DPP6: variants seen among roughly 807,000 people sequenced by gnomAD.
DPP6 encodes dipeptidyl peptidase like 6.
A neutral mutation model predicts 122.6 loss-of-function variants in DPP6; 69 were observed. The observed-to-expected ratio is 0.56, with a 90% CI of 0.46 to 0.69. The LOEUF is 0.69. DPP6 is among the 30% of genes least tolerant of loss of function. DPP6 has a pLI of 0.00. For missense variants in DPP6, 928 were observed against 1,116.9 expected (o/e 0.83, Z 2.41); for synonymous variants, 418 against 433.1 (o/e 0.97, Z 0.43).
At chr7:154,867,969 G>T in intron 17 of DPP6, 26 bp from the exon 18 acceptor site, 1 of 1,568,388 alleles carries the variant, frequency 6.4e-7, no homozygotes. Context: ...CTGCATCTCA[G>T]TGTGTCCCTG....
chr7:154,555,568 T>G (rs528394180), intron 4 of DPP6, among the ~76,000 whole-genome samples: 44 of 152,080 alleles, frequency 2.9e-4, no homozygotes, highest in Non-Finnish European at 6.2e-4. Flanking sequence ...TATACATATG[T>G]AACAAACCTG....
the DPP6 span, among the ~76,000 whole-genome samples, chr7:153,829,083 G>T: frequency 6.6e-6 from 1 of 152,200 alleles, no homozygotes; most frequent in Admixed American, 6.5e-5. Context: ...CACAAAGGCA[G>T]GCCCAGGAGC....
chr7:154,766,642 G>C (rs924266241), intron 8 of DPP6, among the ~76,000 whole-genome samples: 4 of 152,164 alleles, frequency 2.6e-5, no homozygotes, highest in Non-Finnish European at 4.4e-5. Flanking sequence ...TGATGGTTTT[G>C]TTCTACCTCC....
intron 21 of DPP6, among the ~76,000 whole-genome samples, chr7:154,883,200 CACAT>C (rs1474470607): frequency 6.7e-6 from 1 of 149,940 alleles, no homozygotes; most frequent in Non-Finnish European, 1.5e-5. Flanking sequence ...TACACGCTCA[CACAT>C]ACACACACAT....
intron 7 of DPP6, among the ~76,000 whole-genome samples, chr7:154,715,048 T>TG (rs1366384937): frequency 2.1e-5 from 2 of 95,904 alleles, no homozygotes; most frequent in Non-Finnish European, 4.3e-5. Context: ...TTTTATTTTA[T>TG]TTTATCTTAT....
At chr7:154,555,470 G>A (rs145292196) in intron 4 of DPP6, among the ~76,000 whole-genome samples, 2,554 of 152,028 alleles carry the variant, frequency 0.017, 65 homozygotes, top group African/African-American at 0.056. Context: ...CTGTTGTGGG[G>A]TGGGGGAAGG....
At chr7:154,680,911 CT>C (rs1428271143) in intron 7 of DPP6, among the ~76,000 whole-genome samples, 2 of 152,102 alleles carry the variant, frequency 1.3e-5, no homozygotes, top group East Asian at 3.9e-4. Context: ...GAGATATTTT[CT>C]GGGACTCACT....
chr7:154,053,403 G>T (rs1281917402), intron 1 of DPP6, among the ~76,000 whole-genome samples: 4 of 152,054 alleles, frequency 2.6e-5, no homozygotes, highest in Non-Finnish European at 5.9e-5. Context: ...CCTAAGGAGA[G>T]AATTCGATCG....
intron 1 of DPP6, among the ~76,000 whole-genome samples, chr7:154,329,035 T>C (rs1808689863): frequency 6.6e-6 from 1 of 152,228 alleles, no homozygotes; most frequent in South Asian, 2.1e-4. Flanking sequence ...ATTTTTTTAT[T>C]CCTGGAACAA....
upstream of DPP6, among the ~76,000 whole-genome samples, chr7:154,048,895 A>G (rs1800151430): frequency 7.5e-6 from 1 of 134,052 alleles, no homozygotes; most frequent in Non-Finnish European, 1.7e-5. Flanking sequence ...TCATTTTAAA[A>G]ATGACTATCC....
chr7:154,383,386 A>C (rs937665643), intron 1 of DPP6, among the ~76,000 whole-genome samples: 1 of 152,176 alleles, frequency 6.6e-6, no homozygotes, highest in African/African-American at 2.4e-5. Context: ...TCCTCTAATT[A>C]ATGGAAACAC....
intron 1 of DPP6, among the ~76,000 whole-genome samples, chr7:154,330,030 G>A (rs1187462513): frequency 2.0e-5 from 3 of 152,128 alleles, no homozygotes; most frequent in South Asian, 2.1e-4. Flanking sequence ...GGGGCCTGTC[G>A]GGCGGTGGAG....
intron 1 of DPP6, among the ~76,000 whole-genome samples, chr7:154,358,542 A>G (rs1204514189): frequency 6.6e-6 from 1 of 152,098 alleles, no homozygotes; most frequent in Non-Finnish European, 1.5e-5. Context: ...GCAGAGAGAG[A>G]CTGTGGCAAG....
intron 21 of DPP6, among the ~76,000 whole-genome samples, chr7:154,882,737 T>A (rs781508303): frequency 6.6e-6 from 1 of 151,596 alleles, no homozygotes; most frequent in Non-Finnish European, 1.5e-5. Context: ...CGCGTGGCCC[T>A]GCAGGAAAAT....
chr7:153,864,910 A>G, the DPP6 span, among the ~76,000 whole-genome samples: 1 of 152,122 alleles, frequency 6.6e-6, no homozygotes, highest in Non-Finnish European at 1.5e-5. Context: ...TCTCAGGATC[A>G]GTGAAAAGAG....
chr7:154,362,676 C>T (rs1370090606), intron 1 of DPP6, among the ~76,000 whole-genome samples: 4 of 151,858 alleles, frequency 2.6e-5, no homozygotes, highest in African/African-American at 9.7e-5. Flanking sequence ...CCACCCACCT[C>T]AGCCTCCCAA....
intron 1 of DPP6, among the ~76,000 whole-genome samples, chr7:154,073,711 G>T (rs1803295928): frequency 6.6e-6 from 1 of 152,130 alleles, no homozygotes; most frequent in African/African-American, 2.4e-5. Flanking sequence ...TTACATCCTT[G>T]GCATTAAAGA....
At chr7:154,883,362 TCA>T (rs202066122) in intron 21 of DPP6, among the ~76,000 whole-genome samples, 3,017 of 125,094 alleles carry the variant, frequency 0.024, 46 homozygotes, top group Non-Finnish European at 0.037. Context: ...ACACACATGC[TCA>T]CACACACGAT....
intron 5 of DPP6, among the ~76,000 whole-genome samples, chr7:154,599,803 GAAT>G (rs1833326966): frequency 6.6e-6 from 1 of 152,010 alleles, no homozygotes; most frequent in Non-Finnish European, 1.5e-5. Context: ...AGTTTGCTCA[GAAT>G]GATGGTTTCC....
Sources: allele counts gnomAD v4.1 joint callset (sites outside exome capture counted in the v4.1 genomes callset), GRCh38; gene constraint gnomAD v4.1.1; transcripts MANE v1.5; gene names NCBI Gene and HGNC (gene_info 2026-07-23, HGNC 2026-07-21).